The following FRY variants were observed in gnomAD, a reference collection of about 807,000 sequenced individuals.
FRY encodes FRY microtubule binding protein.
Under a neutral mutation model 348.4 loss-of-function variants are expected in FRY, and 128 were observed. That is an observed-to-expected ratio of 0.37 (90% CI 0.32 to 0.43). The LOEUF (loss-of-function observed/expected upper bound fraction) is 0.43, where lower values mean the gene tolerates loss of function less well. FRY is among the 20% of genes least tolerant of loss of function. The probability of loss-of-function intolerance (pLI) is 1.00; values close to 1 mark genes in which losing one functional copy is unlikely to be tolerated. For missense variants in FRY, 2,736 were observed against 3,695.2 expected (o/e 0.74, Z 6.73); for synonymous variants, 1,370 against 1,374.7 (o/e 1.00, Z 0.08).
intron 1 of FRY, 21 bp from the exon 2 acceptor site, chr13:32,078,813 A>G: frequency 6.3e-7 from 1 of 1,583,522 alleles, no homozygotes; most frequent in Non-Finnish European, 8.7e-7. Flanking sequence ...AGCCAGTAAG[A>G]ATGCCCATTC....
At chr13:32,061,666 G>T (rs1480318845) in intron 1 of FRY, among the ~76,000 whole-genome samples, 1 of 152,032 alleles carries the variant, frequency 6.6e-6, no homozygotes, top group African/African-American at 2.4e-5. Flanking sequence ...GCTTAGCCTT[G>T]TTCAACATGT....
intron 17 of FRY, among the ~76,000 whole-genome samples, chr13:32,162,134 T>C (rs1478142160): frequency 6.6e-6 from 1 of 152,242 alleles, no homozygotes; most frequent in Admixed American, 6.5e-5. Context: ...GATTTTCAGC[T>C]AATCTTAAGT....
At chr13:32,156,200 C>G (rs904907123) in intron 15 of FRY, among the ~76,000 whole-genome samples, 2 of 152,204 alleles carry the variant, frequency 1.3e-5, no homozygotes, top group Non-Finnish European at 2.9e-5. Flanking sequence ...TAGACACCTA[C>G]TACAAACTTT....
intron 3 of FRY, among the ~76,000 whole-genome samples, chr13:32,116,716 G>A (rs1393605145): frequency 6.6e-6 from 1 of 152,026 alleles, no homozygotes; most frequent in Non-Finnish European, 1.5e-5. Context: ...TCCAGATAAG[G>A]AAATTAGAAT....
At chr13:32,059,560 G>C (rs1280597565) in intron 1 of FRY, among the ~76,000 whole-genome samples, 1 of 148,878 alleles carries the variant, frequency 6.7e-6, no homozygotes, top group African/African-American at 2.5e-5. Context: ...TTTTGTTATA[G>C]ATTTAGGGGT....
At position 32,176,673 on chromosome 13, in the gene FRY, A is replaced by G. The variant is rs370662540; in HGVS notation, c.2421+1041A>G. ...ATGTACGTATCCTACTTGCCTACAG[A>G]TAACACTTTATATTTTGTTCATGTG... On this transcript the variant is annotated intron_variant, in intron 20 of 60. Transcript: ENST00000542859. Among the ~76,000 whole-genome samples the G allele has an allele frequency of 7.8e-4, 119 of 152,326 alleles. 3 individuals are homozygous for G. In the South Asian group the frequency reaches 0.024, roughly 31 times the overall value.
chr13:32,222,547 G>A (rs1198795577), intron 36 of FRY, among the ~76,000 whole-genome samples: 2 of 152,218 alleles, frequency 1.3e-5, no homozygotes, highest in Admixed American at 1.3e-4. Context: ...AAGACTGCAG[G>A]ACAAGGATGG....
intron 1 of FRY, among the ~76,000 whole-genome samples, chr13:32,048,230 C>CTAG (rs1873133355): frequency 6.6e-6 from 1 of 152,090 alleles, no homozygotes; most frequent in African/African-American, 2.4e-5. Context: ...GCATGTCGCC[C>CTAG]CTCAGTGGAT....
At chr13:32,119,726 A>G (rs895767878) in intron 4 of FRY, among the ~76,000 whole-genome samples, 2 of 152,172 alleles carry the variant, frequency 1.3e-5, no homozygotes, top group Non-Finnish European at 2.9e-5. Context: ...GCAGCTGCAT[A>G]GATTTTCCTT....
At chr13:32,194,674 G>A (rs555618262) in intron 29 of FRY, among the ~76,000 whole-genome samples, 1 of 152,086 alleles carries the variant, frequency 6.6e-6, no homozygotes, top group Non-Finnish European at 1.5e-5. Context: ...ACCAAACCCA[G>A]GAAGTGGCCT....
At chr13:32,035,129 C>A (rs1872444445) in intron 1 of FRY, among the ~76,000 whole-genome samples, 1 of 152,206 alleles carries the variant, frequency 6.6e-6, no homozygotes, top group African/African-American at 2.4e-5. Flanking sequence ...TTCATGTATT[C>A]TAATGCCCTC....
intron 1 of FRY, among the ~76,000 whole-genome samples, chr13:32,052,216 CT>C (rs1292401384): frequency 1.3e-5 from 2 of 152,156 alleles, no homozygotes; most frequent in Non-Finnish European, 2.9e-5. Flanking sequence ...TGGCCTGATA[CT>C]TTTTGAAGTG....
At chr13:32,274,673 C>T (rs1340520297) in intron 55 of FRY, among the ~76,000 whole-genome samples, 169 bp from the exon 56 acceptor site, 2 of 137,218 alleles carry the variant, frequency 1.5e-5, no homozygotes, top group African/African-American at 2.8e-5. Flanking sequence ...CACTGCACTC[C>T]AGCCTGGGCG....
At chr13:32,103,524 G>A (rs1877307133) in intron 3 of FRY, among the ~76,000 whole-genome samples, 1 of 152,172 alleles carries the variant, frequency 6.6e-6, no homozygotes, top group Non-Finnish European at 1.5e-5. Flanking sequence ...AGGGAAGCGG[G>A]AGGGATAGCA....
chr13:32,073,145 GA>G (rs1166122729), intron 1 of FRY, among the ~76,000 whole-genome samples: 1 of 152,226 alleles, frequency 6.6e-6, no homozygotes, highest in Non-Finnish European at 1.5e-5. Flanking sequence ...GCAAGTTGGT[GA>G]AAAAGCAGGC....
chr13:32,129,035 G>A (rs1343195847), intron 7 of FRY, among the ~76,000 whole-genome samples: 2 of 152,122 alleles, frequency 1.3e-5, no homozygotes, highest in Admixed American at 6.5e-5. Context: ...TGGCTTGTAT[G>A]TGGCCATTTT....
intron 32 of FRY, 84 bp downstream of exon 32, chr13:32,209,193 G>T: frequency 6.8e-7 from 1 of 1,470,280 alleles, no homozygotes; most frequent in Non-Finnish European, 9.5e-7. Context: ...CGGGGAAAAT[G>T]GGATTCCTTT....
At chr13:32,121,207 T>A (rs1331258368) in intron 4 of FRY, among the ~76,000 whole-genome samples, 3 of 152,238 alleles carry the variant, frequency 2.0e-5, no homozygotes, top group African/African-American at 2.4e-5. Flanking sequence ...GATTTTGCTA[T>A]CATGATTTGT....
intron 58 of FRY, among the ~76,000 whole-genome samples, chr13:32,287,339 A>G (rs902117771): frequency 2.0e-5 from 3 of 152,236 alleles, no homozygotes; most frequent in African/African-American, 7.2e-5. Flanking sequence ...AAGGCAATCC[A>G]ACTAAAGAAA....
Sources: gnomAD v4.1 joint callset for allele counts (sites outside exome capture counted in the v4.1 genomes callset) on GRCh38, gnomAD v4.1.1 for gene constraint, MANE v1.5 for transcripts, NCBI Gene and HGNC (gene_info 2026-07-23, HGNC 2026-07-21) for gene names.